The following PAX7 variants were observed in gnomAD, a reference collection of about 807,000 sequenced individuals.
PAX7 encodes the protein paired box protein Pax-7.
A neutral mutation model predicts 50.7 loss-of-function variants in PAX7; 18 were observed. That is an observed-to-expected ratio of 0.36 (90% CI 0.25 to 0.53). The LOEUF (loss-of-function observed/expected upper bound fraction) is 0.53. Among genes scored for constraint, PAX7 ranks in the 20% least tolerant of loss-of-function variants. The probability of loss-of-function intolerance (pLI) is 0.93; values close to 1 mark genes in which losing one functional copy is unlikely to be tolerated. For synonymous variants in PAX7, 310 were observed against 290.4 expected, an observed-to-expected ratio of 1.07 and a Z score of -0.69; for missense variants, 644 against 702.9, an observed-to-expected ratio of 0.92 and a Z score of 0.95.
At chr1:18,694,297 TA>T (rs2089120482) in intron 5 of PAX7, among the ~76,000 whole-genome samples, 1 of 151,792 alleles carries the variant, frequency 6.6e-6, no homozygotes. Context: ...CTGTCTCTAC[TA>T]AAAATACAAA....
At position 18,707,411 on chromosome 1, in the gene PAX7, CTTTCTTT is replaced by C. The variant is rs1320869183; in HGVS notation, c.1155+4119_1155+4125del. Among the ~76,000 whole-genome samples the C allele has an allele frequency of 3.0e-3, 270 of 91,232 alleles. 1 individual carries two copies. Among genetic ancestry groups the C allele is most frequent in the African/African-American group, 9.5e-3 (251 of 26,448 alleles). 59.9% of individuals were successfully genotyped at this position (91,232 alleles called of 152,430 possible). ...TCCTTTTCTTTCCTTTTCTTTTTTT[CTTTCTTT>C]TTTTTTTTTTTTTTTTTTTGAGATA... On this transcript the variant is annotated intron_variant, in intron 7 of 8. Coordinates refer to ENST00000420770, the MANE Select transcript of PAX7 (RefSeq NM_001135254.2).
rs138855536 is a variant in PAX7, at chr1:18,664,228, CACACAGCTAATCAGTGGCAGAGCTGGG to C, written c.587-27522_587-27496del. On this transcript the variant is annotated intron_variant, in intron 4 of 8. Coordinates refer to ENST00000420770, the MANE Select transcript of PAX7 (RefSeq NM_001135254.2). Reference sequence around the variant, plus strand: ...GAAGGTTAAGTGACTTGCCCAAGGTCACACAGCTAATCAGTGGCAGAGCTGGGACAGATTCCCTTTTGTTGGAAAGAT... The same window carrying C: ...GAAGGTTAAGTGACTTGCCCAAGGTCACAGATTCCCTTTTGTTGGAAAGAT... Among the ~76,000 whole-genome samples, 1,223 of 152,372 alleles carry C rather than the reference CACACAGCTAATCAGTGGCAGAGCTGGG, an allele frequency of 8.0e-3. 7 individuals are homozygous for C. Among genetic ancestry groups the C allele is most frequent in the Non-Finnish European group, 0.013 (858 of 68,030 alleles).
chr1:18,668,315 A>G (rs2088697845), intron 4 of PAX7, among the ~76,000 whole-genome samples: 2 of 152,194 alleles, frequency 1.3e-5, no homozygotes, highest in Admixed American at 1.3e-4. Flanking sequence ...TGTCAGGATC[A>G]TCTCACAGAG....
Position 18,635,158 on chromosome 1 carries a change from G to C in PAX7, c.369G>C (p.Arg123Ser), listed in dbSNP as rs777856039. The change falls in exon 3 of 9, where the codon AGG becomes AGC. Residue 123 changes from arginine (R) to serine (S), a missense_variant. Physicochemically the swap from Arg to Ser is moderately radical, Grantham distance 110 (BLOSUM62 -1). Transcript: ENST00000420770. ...DVEKKIEEYK[R>S]ENPGMFSWEI... Reference sequence around the variant, plus strand: ...AGAAAAAGATTGAGGAGTACAAGAGGGAAAACCCAGGCATGTTCAGCTGGG... The same window carrying C: ...AGAAAAAGATTGAGGAGTACAAGAGCGAAAACCCAGGCATGTTCAGCTGGG... 1 of 1,614,060 alleles carries C rather than the reference G, an allele frequency of 6.2e-7. No homozygotes were observed. Among genetic ancestry groups the C allele is most frequent in the Non-Finnish European group, 8.5e-7 (1 of 1,179,980 alleles).
chr1:18,735,989 AT>A lies in PAX7; in HGVS notation c.1402+114del, dbSNP rs2089708628. The A allele has an allele frequency of 6.2e-7, 1 of 1,611,758 alleles. No homozygotes were observed. Among genetic ancestry groups the A allele is most frequent in the Non-Finnish European group, 8.5e-7 (1 of 1,178,588 alleles). On this transcript the variant is annotated intron_variant, in intron 8 of 8. Transcript: ENST00000420770. The surrounding 1 kb of genome is among the most constrained non-coding windows in gnomAD (Gnocchi z 4.0). ...GGTGGTGTCAGGGTGGGGAATGTCCATTTCACAGATGGAAAAATTGAAGTCC... is the reference window on the plus strand; with the variant it reads ...GGTGGTGTCAGGGTGGGGAATGTCCATTCACAGATGGAAAAATTGAAGTCC...
intron 8 of PAX7, 123 bp downstream of exon 8, chr1:18,736,001 G>A (rs1462996557): frequency 1.2e-6 from 2 of 1,607,300 alleles, no homozygotes; most frequent in African/African-American, 1.3e-5. Flanking sequence ...TTCACAGATG[G>A]AAAAATTGAA....
At chr1:18,646,160 A>G (rs2088334561) in intron 4 of PAX7, among the ~76,000 whole-genome samples, 1 of 152,232 alleles carries the variant, frequency 6.6e-6, no homozygotes, top group African/African-American at 2.4e-5. Flanking sequence ...TGATTGCAGA[A>G]TCCCAGCATG....
intron 7 of PAX7, among the ~76,000 whole-genome samples, chr1:18,708,695 G>C (rs913928195): frequency 6.6e-6 from 1 of 152,120 alleles, no homozygotes; most frequent in South Asian, 2.1e-4. Context: ...AGCAGGCCAG[G>C]CTCTTAGGAG....
chr1:18,665,978 G>A (rs1006958492), intron 4 of PAX7, among the ~76,000 whole-genome samples: 3 of 152,064 alleles, frequency 2.0e-5, no homozygotes, highest in East Asian at 3.9e-4. Flanking sequence ...GGCTGGGGTG[G>A]CATTTCAGCT....
intron 4 of PAX7, among the ~76,000 whole-genome samples, chr1:18,659,537 G>A (rs1287954965): frequency 2.0e-5 from 3 of 152,156 alleles, no homozygotes; most frequent in African/African-American, 7.2e-5. Flanking sequence ...CTTCTAAGGA[G>A]CTTCCCTGCT....
rs2088117997 is a variant in PAX7 at position 18,634,785 on chromosome 1, C to T, written c.321+247C>T. On this transcript the variant is annotated intron_variant, in intron 2 of 8. Coordinates refer to ENST00000420770, the MANE Select transcript of PAX7 (RefSeq NM_001135254.2). This position sits in a 1 kb window ranked among gnomAD's most constrained non-coding sequence, Gnocchi z 4.0. ...ATTCCTGGACTGTCCCCACATTTGCCTCAACCCCTGTCACCTTCCAAGACC... is the reference window on the plus strand; with the variant it reads ...ATTCCTGGACTGTCCCCACATTTGCTTCAACCCCTGTCACCTTCCAAGACC... Among the ~76,000 whole-genome samples, 1 of 152,226 alleles carries T rather than the reference C, an allele frequency of 6.6e-6. No homozygotes were observed. The highest frequency in any genetic ancestry group is 1.5e-5 in the Non-Finnish European group (1 of 68,038).
chr1:18,692,465 G>A (rs1017586922), intron 5 of PAX7, among the ~76,000 whole-genome samples: 1 of 151,884 alleles, frequency 6.6e-6, no homozygotes, highest in African/African-American at 2.4e-5. Flanking sequence ...TCACTTGAAC[G>A]TGGGAGGCGG....
chr1:18,735,544 T>A lies in PAX7; in HGVS notation c.1156-88T>A. 1.3e-6 allele frequency: 2 copies of A among 1,537,190 alleles called. No homozygotes were observed. The highest frequency in any genetic ancestry group is 2.5e-5 in the South Asian group (2 of 79,582). On this transcript the variant is annotated intron_variant, in intron 7 of 8. Transcript: ENST00000420770. The surrounding 1 kb of genome is among the most constrained non-coding windows in gnomAD (Gnocchi z 4.0). ...AGGGAACAACTCTGGCAAAGAGTGT[T>A]CCAGGGCCAGCCTGGCATTGTGCCC...
At chr1:18,689,746 T>A (rs2089039967) in intron 4 of PAX7, among the ~76,000 whole-genome samples, 1 of 152,222 alleles carries the variant, frequency 6.6e-6, no homozygotes, top group East Asian at 1.9e-4. Flanking sequence ...TGTGGCACCA[T>A]GATTAAATTA....
intron 4 of PAX7, among the ~76,000 whole-genome samples, chr1:18,654,683 C>T (rs755119539): frequency 6.6e-6 from 1 of 152,208 alleles, no homozygotes; most frequent in African/African-American, 2.4e-5. Context: ...AGCATGCTCA[C>T]GTCCAGTTGG....
At chr1:18,668,327 T>C (rs2088698002) in intron 4 of PAX7, among the ~76,000 whole-genome samples, 1 of 152,164 alleles carries the variant, frequency 6.6e-6, no homozygotes, top group Non-Finnish European at 1.5e-5. Flanking sequence ...CTCACAGAGC[T>C]GTAAGGCAGG....
At chr1:18,659,283 C>A (rs568523280) in intron 4 of PAX7, among the ~76,000 whole-genome samples, 68 of 152,204 alleles carry the variant, frequency 4.5e-4, no homozygotes, top group Non-Finnish European at 7.9e-4. Context: ...AGAACAGGTG[C>A]TCAATAAATG....
intron 4 of PAX7, among the ~76,000 whole-genome samples, chr1:18,656,689 A>G (rs1256361384): frequency 6.6e-6 from 1 of 151,058 alleles, no homozygotes; most frequent in African/African-American, 2.5e-5. Flanking sequence ...AAATGCATGC[A>G]TAAAAAAAAG....
At chr1:18,674,256 T>G (rs2088793977) in intron 4 of PAX7, among the ~76,000 whole-genome samples, 1 of 152,200 alleles carries the variant, frequency 6.6e-6, no homozygotes. Flanking sequence ...CTCCAAATAA[T>G]TCAAGAGGGG....
Sources: allele counts gnomAD v4.1 joint callset (sites outside exome capture counted in the v4.1 genomes callset), GRCh38; gene constraint gnomAD v4.1.1; non-coding constraint Gnocchi (gnomAD v3.1); transcripts MANE v1.5; gene names NCBI Gene and HGNC (gene_info 2026-07-23, HGNC 2026-07-21).